The following AGBL4 variants were observed in gnomAD, a reference collection of about 807,000 sequenced individuals.
AGBL4 encodes the protein cytosolic carboxypeptidase 6.
In AGBL4, 58 loss-of-function variants were observed where a neutral mutation model predicts 66.4. The ratio of observed to expected loss-of-function variants is 0.87; its 90% CI spans 0.71 to 1.09. The LOEUF is 1.09. Among genes scored for constraint, AGBL4 ranks in the 50% least tolerant of loss-of-function variants. AGBL4 has a pLI of 0.00. For missense variants in AGBL4, 579 were observed against 631.0 expected, an observed-to-expected ratio of 0.92 and a Z score of 0.88; for synonymous variants, 234 against 222.9, an observed-to-expected ratio of 1.05 and a Z score of -0.44.
chr1:49,965,196 C>T (rs956371520), intron 1 of AGBL4, among the ~76,000 whole-genome samples: 5 of 152,182 alleles, frequency 3.3e-5, no homozygotes, highest in Non-Finnish European at 7.3e-5. Flanking sequence ...ATCCCATGCT[C>T]TCTAAGTGAG....
At chr1:48,734,226 C>T (rs1214706030) in intron 6 of AGBL4, among the ~76,000 whole-genome samples, 1 of 152,202 alleles carries the variant, frequency 6.6e-6, no homozygotes, top group Non-Finnish European at 1.5e-5. Context: ...AGCTATGTTA[C>T]AGCAGAACAA....
chr1:49,125,159 A>T (rs955400947), intron 4 of AGBL4, among the ~76,000 whole-genome samples: 1 of 152,218 alleles, frequency 6.6e-6, no homozygotes, highest in Non-Finnish European at 1.5e-5. Flanking sequence ...ATAAAATTTC[A>T]GAAAAAAAGC....
At chr1:49,922,468 G>A (rs1652358994) in intron 1 of AGBL4, among the ~76,000 whole-genome samples, 1 of 152,180 alleles carries the variant, frequency 6.6e-6, no homozygotes, top group Non-Finnish European at 1.5e-5. Flanking sequence ...AATCGGGAGA[G>A]AGAAAGAAAT....
At chr1:49,617,433 T>C (rs1264461557) in intron 3 of AGBL4, among the ~76,000 whole-genome samples, 1 of 152,216 alleles carries the variant, frequency 6.6e-6, no homozygotes, top group Admixed American at 6.5e-5. Context: ...CTTTTTACCA[T>C]CTTACATGTT....
intron 4 of AGBL4, among the ~76,000 whole-genome samples, chr1:49,061,458 G>A (rs1451046665): frequency 6.6e-6 from 1 of 152,136 alleles, no homozygotes; most frequent in Non-Finnish European, 1.5e-5. Context: ...GCATAGGGAT[G>A]GCAGGCTATC....
intron 6 of AGBL4, among the ~76,000 whole-genome samples, chr1:48,687,384 G>A (rs1025114017): frequency 4.6e-5 from 7 of 152,140 alleles, no homozygotes; most frequent in South Asian, 2.1e-4. Context: ...AAAAGGCCCC[G>A]GTGGGCCGCG....
intron 6 of AGBL4, among the ~76,000 whole-genome samples, chr1:48,709,483 A>C (rs1646930155): frequency 6.6e-6 from 1 of 152,094 alleles, no homozygotes; most frequent in African/African-American, 2.4e-5. Flanking sequence ...TTTCTTTATA[A>C]CTTTGGGCTT....
At chr1:49,869,142 G>A (rs915155637) in intron 1 of AGBL4, among the ~76,000 whole-genome samples, 2 of 152,192 alleles carry the variant, frequency 1.3e-5, no homozygotes, top group Non-Finnish European at 2.9e-5. Context: ...CTTTTACACT[G>A]TTGGTGGGAA....
At chr1:49,580,694 A>G (rs1329790092) in intron 3 of AGBL4, among the ~76,000 whole-genome samples, 1 of 151,996 alleles carries the variant, frequency 6.6e-6, no homozygotes, top group Non-Finnish European at 1.5e-5. Flanking sequence ...TTTTTCTTTC[A>G]GTACTTTGAA....
At chr1:49,446,608 T>G (rs1028397186) in intron 3 of AGBL4, among the ~76,000 whole-genome samples, 6 of 152,196 alleles carry the variant, frequency 3.9e-5, no homozygotes, top group Non-Finnish European at 7.4e-5. Flanking sequence ...CCTATCTTTA[T>G]GTCCCAGGGT....
chr1:49,555,215 C>A (rs1020207410), intron 3 of AGBL4, among the ~76,000 whole-genome samples: 16 of 151,984 alleles, frequency 1.1e-4, no homozygotes, highest in Non-Finnish European at 2.2e-4. Flanking sequence ...CATTTACAAA[C>A]CTTGAGCTAG....
intron 2 of AGBL4, among the ~76,000 whole-genome samples, chr1:49,833,338 G>C (rs1397899212): frequency 6.6e-6 from 1 of 151,016 alleles, no homozygotes; most frequent in Non-Finnish European, 1.5e-5. Context: ...GCTCTGTTCT[G>C]TTCCATTGAT....
intron 3 of AGBL4, among the ~76,000 whole-genome samples, chr1:49,446,972 G>A (rs72684890): frequency 0.035 from 5,249 of 152,072 alleles, 129 homozygotes; most frequent in Non-Finnish European, 0.052. Flanking sequence ...TTCATCCCTG[G>A]GCACAGACAG....
chr1:48,814,623 T>A (rs1570735811), intron 6 of AGBL4, among the ~76,000 whole-genome samples: 1 of 152,058 alleles, frequency 6.6e-6, no homozygotes, highest in South Asian at 2.1e-4. Context: ...TTTTTTTTTT[T>A]TTTTTAGCAT....
rs569456038 is a variant in AGBL4 at position 49,673,679 on chromosome 1, G to A, written c.282+23634C>T. On this transcript the variant is annotated intron_variant, in intron 3 of 13. Coordinates refer to ENST00000371839, the MANE Select transcript of AGBL4 (RefSeq NM_032785.4). ...AATCAACAAACTTTAATGTTTATTC[G>A]GTGAATATTTACAGAGCACTTAGTT... Among the ~76,000 whole-genome samples, 42 of 152,024 alleles carry A rather than the reference G, an allele frequency of 2.8e-4. No individual in the cohort carries two copies. The South Asian group carries it at 4.2e-3, about 15-fold the overall frequency.
At chr1:49,818,213 T>A (rs922366100) in intron 2 of AGBL4, among the ~76,000 whole-genome samples, 1 of 152,134 alleles carries the variant, frequency 6.6e-6, no homozygotes, top group South Asian at 2.1e-4. Flanking sequence ...TAAATGTCAA[T>A]GCAAATATTC....
chr1:49,283,517 G>A (rs536656832), intron 3 of AGBL4, among the ~76,000 whole-genome samples: 4 of 152,358 alleles, frequency 2.6e-5, no homozygotes, highest in East Asian at 1.9e-4. Context: ...AAGCTGGATG[G>A]AGAATGACTT....
At chr1:48,802,865 G>A (rs989631278) in intron 6 of AGBL4, among the ~76,000 whole-genome samples, 2 of 152,138 alleles carry the variant, frequency 1.3e-5, no homozygotes, top group Admixed American at 6.5e-5. Context: ...GGCATTCAGG[G>A]TTAGGCTGTG....
chr1:49,141,814 A>T (rs1281083181), intron 4 of AGBL4, among the ~76,000 whole-genome samples: 1 of 152,218 alleles, frequency 6.6e-6, no homozygotes, highest in Non-Finnish European at 1.5e-5. Context: ...CACGATGACT[A>T]TGAAAACTGT....
Sources: gnomAD v4.1 joint callset for allele counts (sites outside exome capture counted in the v4.1 genomes callset) on GRCh38, gnomAD v4.1.1 for gene constraint, MANE v1.5 for transcripts, NCBI Gene and HGNC (gene_info 2026-07-23, HGNC 2026-07-21) for gene names.